FCRL2: variants seen among roughly 807,000 people sequenced by gnomAD.
FCRL2 encodes the protein Fc receptor like 2, also known as Fc receptor-like protein 2.
A neutral mutation model predicts 59.8 loss-of-function variants in FCRL2; 48 were observed. That is an observed-to-expected ratio of 0.80 (90% confidence interval 0.64 to 1.02). The LOEUF is 1.02. FCRL2 is among the 50% of genes least tolerant of loss of function. The pLI is 0.00. For synonymous variants in FCRL2, 251 were observed against 229.5 expected, an observed-to-expected ratio of 1.09 and a Z score of -0.85; for missense variants, 658 against 597.3, an observed-to-expected ratio of 1.10 and a Z score of -1.06.
chr1:157,768,914 G>A (rs1649751873), intron 4 of FCRL2: 1 of 513,982 alleles, frequency 1.9e-6, no homozygotes, highest in Admixed American at 3.6e-5. Flanking sequence ...CCAATTTCAT[G>A]GGTAGTAATA....
At chr1:157,769,631 G>A (rs1305569741) in intron 4 of FCRL2, 5 of 405,780 alleles carry the variant, frequency 1.2e-5, no homozygotes, top group African/African-American at 2.0e-5. Context: ...GTTTCACCGT[G>A]TTAGCCAGGA....
At chr1:157,774,545 C>A in intron 2 of FCRL2, 1 of 446,122 alleles carries the variant, frequency 2.2e-6, no homozygotes, top group Non-Finnish European at 4.5e-6. Context: ...AATGAAGTGG[C>A]TGTTGCCCTG....
chr1:157,761,931 C>G (rs565055794), intron 7 of FCRL2, among the ~76,000 whole-genome samples: 1 of 152,150 alleles, frequency 6.6e-6, no homozygotes, highest in African/African-American at 2.4e-5. Flanking sequence ...CTACTAAGGA[C>G]AACTAGAAAG....
At chr1:157,764,612 A>G (rs1228543435) in intron 7 of FCRL2, among the ~76,000 whole-genome samples, 1 of 152,268 alleles carries the variant, frequency 6.6e-6, no homozygotes. Context: ...AATCAAAATC[A>G]TATCAAGTAT....
Position 157,766,867 on chromosome 1 carries a change from G to A in FCRL2, c.1267C>T (p.His423Tyr), listed in dbSNP as rs768787443. 7 of 1,614,018 alleles carry A rather than the reference G, an allele frequency of 4.3e-6. No homozygotes were observed. The highest frequency in any genetic ancestry group is 2.5e-6 in the Non-Finnish European group (3 of 1,180,022). ...TGGTAGATACAACCTGATATCTTGT[G>A]GAACAAGGCATACAACAGCAAAGCA... Reference protein sequence around the residue: ...GVALLLYALFHKISGESSATN... With the variant: ...GVALLLYALFYKISGESSATN... Residue 423 changes from histidine (H) to tyrosine (Y), a missense_variant, in exon 7 of 12, where the codon CAC becomes TAC. Transcript: ENST00000361516.
At chr1:157,752,108 G>A (rs1002467881) in intron 7 of FCRL2, among the ~76,000 whole-genome samples, 12 of 152,318 alleles carry the variant, frequency 7.9e-5, no homozygotes, top group Middle Eastern at 3.4e-3. Flanking sequence ...ATGAACAAGC[G>A]CTCTTTGGAG....
rs1354116287 is a variant in FCRL2, at chr1:157,766,986, CA to C, written c.1163-16del. The C allele has an allele frequency of 1.1e-5, 18 of 1,604,510 alleles. No homozygotes were observed. The highest frequency in any genetic ancestry group is 1.1e-5 in the Non-Finnish European group (13 of 1,173,958). Reference sequence around the variant, plus strand: ...GCCATCAGGTCCTGAGGAAAGAAAGCAGTGCTTCAGCCCCAGAGGTTTAAGA... The same window carrying C: ...GCCATCAGGTCCTGAGGAAAGAAAGCGTGCTTCAGCCCCAGAGGTTTAAGA... On this transcript the variant is annotated splice_polypyrimidine_tract_variant and intron_variant, in intron 6 of 11. Transcript: ENST00000361516.
intron 10 of FCRL2, 103 bp from the exon 11 acceptor site, chr1:157,747,002 G>A: frequency 8.2e-7 from 1 of 1,222,542 alleles, no homozygotes; most frequent in Non-Finnish European, 1.2e-6. Context: ...TTAGTATGTG[G>A]AATCCCATTT....
chr1:157,759,785 A>C (rs576891006), intron 7 of FCRL2, among the ~76,000 whole-genome samples: 7 of 152,204 alleles, frequency 4.6e-5, no homozygotes, highest in Non-Finnish European at 1.0e-4. Context: ...TTAAAAAGTC[A>C]AAAAATGAGA....
At chr1:157,765,230 C>A (rs926043152) in intron 7 of FCRL2, among the ~76,000 whole-genome samples, 2 of 152,056 alleles carry the variant, frequency 1.3e-5, no homozygotes, top group Admixed American at 6.6e-5. Flanking sequence ...TACAATTTAC[C>A]AAGATTGAAT....
intron 7 of FCRL2, among the ~76,000 whole-genome samples, chr1:157,758,734 G>A (rs1275264629): frequency 2.9e-5 from 4 of 138,034 alleles, no homozygotes; most frequent in Admixed American, 7.3e-5. Context: ...ATACAACTTC[G>A]AACTATATGA....
intron 7 of FCRL2, among the ~76,000 whole-genome samples, chr1:157,763,602 G>C (rs2101720312): frequency 6.6e-6 from 1 of 152,242 alleles, no homozygotes; most frequent in East Asian, 1.9e-4. Context: ...CCAACTCTGT[G>C]TTACCTGTAA....
chr1:157,769,595 T>A, intron 4 of FCRL2: 1 of 272,720 alleles, frequency 3.7e-6, no homozygotes, highest in South Asian at 5.1e-5. Context: ...GCCCAGCTAA[T>A]TTTTTGTATT....
chr1:157,752,131 T>C (rs1434144852), intron 7 of FCRL2, among the ~76,000 whole-genome samples: 1 of 152,186 alleles, frequency 6.6e-6, no homozygotes, highest in Non-Finnish European at 1.5e-5. Context: ...ACTATGTTTT[T>C]GTTGTTGTTT....
In FCRL2 at chr1:157,762,981, C is replaced by G. The variant is rs142432753; in HGVS notation, c.1279+3874G>C. Among the ~76,000 whole-genome samples the G allele has an allele frequency of 3.3e-3, 510 of 152,304 alleles. 4 individuals carry two copies. Among genetic ancestry groups the G allele is most frequent in the African/African-American group, 0.012 (494 of 41,564 alleles). On this transcript the variant is annotated intron_variant, in intron 7 of 11. Coordinates refer to ENST00000361516, the MANE Select transcript of FCRL2 (RefSeq NM_030764.4). Reference sequence around the variant, plus strand: ...AAAGCGAAAGGACAATACTTACCATCATGAAAATGCATAGGTAAAGCCAGG... The same window carrying G: ...AAAGCGAAAGGACAATACTTACCATGATGAAAATGCATAGGTAAAGCCAGG...
intron 7 of FCRL2, 109 bp downstream of exon 7, chr1:157,766,746 T>C (rs775577816): frequency 2.6e-6 from 4 of 1,537,332 alleles, no homozygotes; most frequent in African/African-American, 1.4e-5. Context: ...AAAGAAATTA[T>C]TGGCTTTTGG....
intron 7 of FCRL2, among the ~76,000 whole-genome samples, chr1:157,766,002 G>T (rs1649462599): frequency 6.6e-6 from 1 of 152,160 alleles, no homozygotes; most frequent in Non-Finnish European, 1.5e-5. Context: ...TGCTCTAGTT[G>T]ACTCTCAGCT....
chr1:157,767,371 A>G lies in FCRL2; in HGVS notation c.1022T>C (p.Leu341Pro). 6.2e-7 allele frequency: 1 copy of G among 1,614,212 alleles called. No individual in the cohort carries two copies. The highest frequency in any genetic ancestry group is 1.1e-5 in the South Asian group (1 of 91,078). The change falls in exon 6 of 12, where the codon CTT becomes CCT. Residue 341 changes from leucine to proline, a missense_variant. Transcript: ENST00000361516. ...TCCAGAGGGGGCCGAGCTGTTCCCA[A>G]GGGTGACATCCTCATGATAAAATTG... ...LYQFYHEDVT[L>P]GNSSAPSGGG... is the part of the protein sequence containing the mutation.
At chr1:157,776,457 A>G (rs1650419386) in intron 1 of FCRL2, among the ~76,000 whole-genome samples, 1 of 152,088 alleles carries the variant, frequency 6.6e-6, no homozygotes, top group Non-Finnish European at 1.5e-5. Context: ...TTTAGTAGAG[A>G]TGAGGTTTCA....
Sources: allele counts gnomAD v4.1 joint callset (sites outside exome capture counted in the v4.1 genomes callset), GRCh38; gene constraint gnomAD v4.1.1; transcripts MANE v1.5; gene names NCBI Gene and HGNC (gene_info 2026-07-23, HGNC 2026-07-21).